The following NAE1 variants were observed in gnomAD, a reference collection of about 807,000 sequenced individuals.
The protein encoded by NAE1 is NEDD8 activating enzyme E1 subunit 1, also known as NEDD8-activating enzyme E1 regulatory subunit.
Under a neutral mutation model 88.0 loss-of-function variants are expected in NAE1, and 59 were observed. That is an observed-to-expected ratio of 0.67 (90% CI 0.54 to 0.83). The LOEUF is 0.83. Among genes scored for constraint, NAE1 ranks in the 40% least tolerant of loss-of-function variants. The pLI, the probability that NAE1 is intolerant of heterozygous loss-of-function variation, is 0.00. For synonymous variants in NAE1, 186 were observed against 208.9 expected, an observed-to-expected ratio of 0.89 and a Z score of 0.95; for missense variants, 554 against 632.8, an observed-to-expected ratio of 0.88 and a Z score of 1.34.
At chr16:66,824,392 A>C (rs2145349694) in intron 4 of NAE1, 1 of 152,648 alleles carries the variant, frequency 6.6e-6, no homozygotes, top group Non-Finnish European at 1.5e-5. Context: ...GGAGATCGAG[A>C]CCATCCTGGC....
At position 66,830,933 on chromosome 16, in the gene NAE1, C is replaced by G. The variant is rs1432457558; in HGVS notation, c.-34G>C. The G allele has an allele frequency of 4.2e-5, 63 of 1,502,058 alleles. No individual in the cohort carries two copies. The highest frequency in any genetic ancestry group is 5.4e-5 in the Non-Finnish European group (61 of 1,133,458). The allele number at this position is 1,502,058 out of a possible 1,614,324, so 93.0% of individuals were successfully genotyped here. The stretch of plus-strand genomic sequence containing the variant: ...CTGCCGCGCGGAAAACAGCCGAGCC[C>G]CTGCGGAGCGCCGCCACCAGCTCCA... On this transcript the variant is annotated 5_prime_UTR_variant, in exon 1 of 20. Coordinates refer to ENST00000290810, the MANE Select transcript of NAE1 (RefSeq NM_003905.4).
intron 3 of NAE1, 31 bp from the exon 4 acceptor site, chr16:66,824,916 T>G: frequency 6.3e-7 from 1 of 1,583,926 alleles, no homozygotes; most frequent in Non-Finnish European, 8.6e-7. Flanking sequence ...GAAAAAAAAG[T>G]AAAGCTTACT....
At position 66,813,566 on chromosome 16, in the gene NAE1, G is replaced by A. The variant is rs749057967; in HGVS notation, c.1032C>T (p.Asn344=). The A allele has an allele frequency of 5.5e-5, 88 of 1,608,764 alleles. No individual in the cohort carries two copies. The highest frequency in any genetic ancestry group is 1.0e-4 in the South Asian group (9 of 89,602). The change falls in exon 13 of 20, where the codon AAC becomes AAT. Residue 344 remains asparagine (N), a splice_region_variant and synonymous_variant. Transcript: ENST00000290810. The part of the protein sequence containing the change: ...ADSGKYIKLQ[N]VYREKAKKDA... ...ATAGTTTGAAAACAGTGACATACAC[G>A]TTTTGCAGTTTTATATATTTGCCTG...
rs1365274613 is a variant in NAE1 at position 66,810,226 on chromosome 16, A to AG, written c.1150+147_1150+148insC. 1.1e-5 allele frequency: 7 copies of AG among 636,044 alleles called. No individual in the cohort carries two copies. In the African/African-American group the frequency reaches 1.3e-4, roughly 12 times the overall value. 39.4% of individuals were successfully genotyped at this position (636,044 alleles called of 1,614,324 possible). ...CGCCATGTATTGTATTATGAGAGGA[A>AG]AAAAAAAACCTTACCCAATAATTAT... is the stretch of plus-strand genomic sequence containing the variant. On this transcript the variant is annotated intron_variant, in intron 15 of 19. Coordinates refer to ENST00000290810, the MANE Select transcript of NAE1 (RefSeq NM_003905.4).
At chr16:66,823,144 T>TATCATC (rs1376555263) in intron 6 of NAE1, 83 bp downstream of exon 6, 1 of 539,508 alleles carries the variant, frequency 1.9e-6, no homozygotes, top group Admixed American at 4.0e-5. Flanking sequence ...TTTAAAACCA[T>TATCATC]ATCATCATAG....
intron 3 of NAE1, among the ~76,000 whole-genome samples, chr16:66,825,376 G>T (rs1461801339): frequency 6.6e-6 from 1 of 151,720 alleles, no homozygotes; most frequent in African/African-American, 2.4e-5. Context: ...GAACCTGGGA[G>T]GCAGAGCTTG....
chr16:66,813,428 A>G (rs1372099415), intron 13 of NAE1, 136 bp downstream of exon 13: 2 of 1,079,048 alleles, frequency 1.9e-6, no homozygotes, highest in Non-Finnish European at 2.6e-6. Context: ...GGCATGAGCC[A>G]CTGCAGCTGG....
intron 11 of NAE1, 128 bp from the exon 12 acceptor site, chr16:66,813,974 GT>G: frequency 1.1e-6 from 1 of 903,428 alleles, no homozygotes; most frequent in Non-Finnish European, 1.7e-6. Flanking sequence ...CTTCTGATTG[GT>G]TTATAATTTT....
At chr16:66,816,773 C>T (rs1166244756) in intron 10 of NAE1, 101 bp from the exon 11 acceptor site, 2 of 1,279,634 alleles carry the variant, frequency 1.6e-6, no homozygotes, top group Non-Finnish European at 2.2e-6. Flanking sequence ...AATATTAAAT[C>T]TTAAGAAGAA....
chr16:66,819,324 T>C (rs946057916), intron 7 of NAE1, among the ~76,000 whole-genome samples: 2 of 152,156 alleles, frequency 1.3e-5, no homozygotes, highest in African/African-American at 2.4e-5. Flanking sequence ...CCTTCACTTC[T>C]TGCTTCCTTG....
rs370458994 is a variant in NAE1 at position 66,821,503 on chromosome 16, C to T, written c.458G>A (p.Cys153Tyr). ...ATAACCAACTAGTCCATATGTCCTA[C>T]AGATCAAAAGAGGAATCTGGGAATT... ...LWNSQIPLLI[C>Y]RTYGLVGYMR... The change falls in exon 7 of 20, where the codon TGT becomes TAT. Residue 153 changes from cysteine (C) to tyrosine (Y), a missense_variant. Transcript: ENST00000290810. The T allele has an allele frequency of 5.6e-6, 9 of 1,602,730 alleles. No homozygotes were observed. The highest frequency in any genetic ancestry group is 7.7e-6 in the Non-Finnish European group (9 of 1,175,804).
At chr16:66,810,671 T>C in intron 14 of NAE1, 26 bp downstream of exon 14, 1 of 1,605,550 alleles carries the variant, frequency 6.2e-7, no homozygotes, top group Non-Finnish European at 8.5e-7. Flanking sequence ...GAGGCCTGTA[T>C]GGGCACAGTG....
intron 6 of NAE1, among the ~76,000 whole-genome samples, chr16:66,822,773 G>A (rs987071967): frequency 2.7e-5 from 4 of 149,202 alleles, no homozygotes; most frequent in East Asian, 4.0e-4. Context: ...TGATTCAAGC[G>A]ATTCTCTTGT....
At chr16:66,829,102 G>A (rs1960591476) in intron 1 of NAE1, among the ~76,000 whole-genome samples, 1 of 152,180 alleles carries the variant, frequency 6.6e-6, no homozygotes, top group Non-Finnish European at 1.5e-5. Flanking sequence ...GTGAAGTAAG[G>A]AGGGGCTTAT....
intron 14 of NAE1, 113 bp from the exon 15 acceptor site, chr16:66,810,526 A>G (rs1959752082): frequency 1.3e-5 from 15 of 1,137,098 alleles, no homozygotes; most frequent in Non-Finnish European, 1.8e-5. Flanking sequence ...GAGCTGGGAG[A>G]GCACTTTAAA....
intron 3 of NAE1, among the ~76,000 whole-genome samples, chr16:66,825,481 T>C (rs1960432227): frequency 6.6e-6 from 1 of 151,582 alleles, no homozygotes; most frequent in African/African-American, 2.4e-5. Context: ...AAACACCATA[T>C]ACTATATTTC....
At chr16:66,804,872 C>T (rs1023737830) in intron 19 of NAE1, among the ~76,000 whole-genome samples, 2 of 151,796 alleles carry the variant, frequency 1.3e-5, no homozygotes, top group African/African-American at 4.8e-5. Context: ...AGGAAATGGG[C>T]GCTCACCAGA....
intron 10 of NAE1, 140 bp from the exon 11 acceptor site, chr16:66,816,812 A>G (rs1038335816): frequency 5.1e-5 from 67 of 1,316,744 alleles, no homozygotes; most frequent in Non-Finnish European, 6.6e-5. Context: ...CCTTAAAACT[A>G]TACAAGGCGT....
rs1597039566 is a variant in NAE1, at chr16:66,810,600, A to C, written c.1110+97T>G. 21 of 1,193,922 alleles carry C rather than the reference A, an allele frequency of 1.8e-5. No homozygotes were observed. The South Asian group carries it at 1.9e-4, about 11-fold the overall frequency. 74.0% of individuals were successfully genotyped at this position (1,193,922 alleles called of 1,614,324 possible). A position where few individuals can be genotyped will look rare whatever the true frequency, so the allele number is the denominator to read the frequency against. On this transcript the variant is annotated intron_variant, in intron 14 of 19. Coordinates refer to ENST00000290810, the MANE Select transcript of NAE1 (RefSeq NM_003905.4). The stretch of plus-strand genomic sequence containing the variant: ...AGGGAAATGACAGCTCCCTCTAAAG[A>C]AGCACAGAGGCAGTGCCACACCCTC...
Sources: allele counts gnomAD v4.1 joint callset (sites outside exome capture counted in the v4.1 genomes callset), GRCh38; gene constraint gnomAD v4.1.1; transcripts MANE v1.5; gene names NCBI Gene and HGNC (gene_info 2026-07-23, HGNC 2026-07-21).